ST18: variants seen among roughly 807,000 people sequenced by gnomAD.
The protein encoded by ST18 is suppression of tumorigenicity 18 protein.
A neutral mutation model predicts 110.0 loss-of-function variants in ST18; 50 were observed. That is an observed-to-expected ratio of 0.45 (90% confidence interval 0.36 to 0.58). ST18 has a LOEUF of 0.58. Ranked by LOEUF, ST18 falls within the 20% of genes least tolerant of loss-of-function variation. The pLI, the probability that ST18 is intolerant of heterozygous loss-of-function variation, is 0.00. For missense variants in ST18, 1,306 were observed against 1,280.1 expected (o/e 1.02, Z -0.31); for synonymous variants, 461 against 452.4 (o/e 1.02, Z -0.24).
At chr8:52,307,745 T>C (rs949429527) in intron 2 of ST18, among the ~76,000 whole-genome samples, 1 of 152,242 alleles carries the variant, frequency 6.6e-6, no homozygotes, top group Non-Finnish European at 1.5e-5. Flanking sequence ...TGTGTACATG[T>C]GTCTGTATTT....
chr8:52,164,852 A>G (rs902596610), intron 12 of ST18, among the ~76,000 whole-genome samples: 1 of 152,226 alleles, frequency 6.6e-6, no homozygotes, highest in Admixed American at 6.5e-5. Context: ...AGCACATTCT[A>G]TTTGTATGAT....
At position 52,132,022 on chromosome 8, in the gene ST18, G is replaced by A; in HGVS notation, c.2602C>T (p.His868Tyr). Residue 868 changes from histidine (H) to tyrosine (Y), a missense_variant, in exon 22 of 26, where the codon CAT becomes TAT. Physicochemically the swap from His to Tyr is moderately conservative, Grantham distance 83. Transcript: ENST00000689386. ...SWKLNKQELP[H>Y]CPLPGCNGLG... ...CCATTGCAGCCTGGCAAGGGACAAT[G>A]TGGTAGCTCTTGTTTGTTCAGTTTC... The A allele has an allele frequency of 6.2e-7, 1 of 1,614,232 alleles. No homozygotes were observed. Among genetic ancestry groups the A allele is most frequent in the Non-Finnish European group, 8.5e-7 (1 of 1,180,042 alleles).
At chr8:52,400,339 T>A (rs1842485573) in intron 2 of ST18, among the ~76,000 whole-genome samples, 1 of 152,138 alleles carries the variant, frequency 6.6e-6, no homozygotes, top group Non-Finnish European at 1.5e-5. Context: ...TAAAGTTGGA[T>A]GTTGGGTTTT....
chr8:52,218,404 T>A lies in ST18; in HGVS notation c.-156-503A>T, dbSNP rs559510737. On this transcript the variant is annotated intron_variant, in intron 5 of 25. Coordinates refer to ENST00000689386, the MANE Select transcript of ST18 (RefSeq NM_001352837.2). ...TTTTTTTTTCTTTTTTTTTTTGAGA[T>A]GAGGTTTTGCTCTTGTTGCCCAGGC... Among the ~76,000 whole-genome samples the A allele has an allele frequency of 8.0e-5, 12 of 150,914 alleles. No homozygotes were observed. In the South Asian group the frequency reaches 2.5e-3, roughly 32 times the overall value.
At chr8:52,357,365 C>T (rs1823224765) in intron 2 of ST18, among the ~76,000 whole-genome samples, 1 of 151,652 alleles carries the variant, frequency 6.6e-6, no homozygotes. Context: ...TCAAACTATC[C>T]AATTAAAATG....
At chr8:52,145,790 A>G (rs2057043118) in intron 16 of ST18, among the ~76,000 whole-genome samples, 1 of 152,220 alleles carries the variant, frequency 6.6e-6, no homozygotes, top group African/African-American at 2.4e-5. Context: ...AACATGAATA[A>G]CAGATAATAG....
At chr8:52,285,638 A>C (rs980877292) in intron 2 of ST18, among the ~76,000 whole-genome samples, 1 of 152,230 alleles carries the variant, frequency 6.6e-6, no homozygotes, top group Non-Finnish European at 1.5e-5. Context: ...CAAGGCTAGA[A>C]TTTGAAACCA....
intron 8 of ST18, among the ~76,000 whole-genome samples, chr8:52,211,475 C>T (rs2082154856): frequency 1.3e-5 from 2 of 151,186 alleles, no homozygotes; most frequent in Non-Finnish European, 2.9e-5. Flanking sequence ...TGTGTGATCT[C>T]AGCTCACTGC....
intron 2 of ST18, among the ~76,000 whole-genome samples, chr8:52,288,865 G>A (rs1050653853): frequency 1.3e-5 from 2 of 152,096 alleles, no homozygotes; most frequent in Admixed American, 6.6e-5. Flanking sequence ...TGATAACAGC[G>A]TCAAGGAGAA....
chr8:52,249,153 T>C (rs563008883), intron 2 of ST18, among the ~76,000 whole-genome samples: 100 of 152,284 alleles, frequency 6.6e-4, no homozygotes, highest in Non-Finnish European at 2.6e-4. Flanking sequence ...ACTCACTTTT[T>C]AAATTTACAA....
intron 2 of ST18, among the ~76,000 whole-genome samples, chr8:52,363,858 T>C (rs1234539689): frequency 6.6e-6 from 1 of 152,172 alleles, no homozygotes; most frequent in East Asian, 1.9e-4. Flanking sequence ...TCCAGTTTTA[T>C]AAAAGTAAGT....
chr8:52,350,964 C>T (rs1373620539), intron 2 of ST18, among the ~76,000 whole-genome samples: 1 of 152,024 alleles, frequency 6.6e-6, no homozygotes, highest in African/African-American at 2.4e-5. Flanking sequence ...TCATCATCTG[C>T]CTGCCTCGGC....
In ST18 at chr8:52,311,516, C is replaced by T. The variant is rs566331829; in HGVS notation, c.-464-81439G>A. The stretch of plus-strand genomic sequence containing the variant: ...CTTCATTGAAGGCATTGTATTAGTC[C>T]GTTTTCATACTGCTATAACGATACT... On this transcript the variant is annotated intron_variant, in intron 2 of 25. Coordinates refer to ENST00000689386, the MANE Select transcript of ST18 (RefSeq NM_001352837.2). 4.6e-5 allele frequency among the ~76,000 whole-genome samples: 7 copies of T among 152,138 alleles called. No homozygotes were observed. The East Asian group carries it at 5.8e-4, about 13-fold the overall frequency.
chr8:52,257,865 T>C (rs538186902), intron 2 of ST18, among the ~76,000 whole-genome samples: 86 of 152,334 alleles, frequency 5.6e-4, no homozygotes, highest in Non-Finnish European at 9.7e-4. Context: ...AAATTCAATG[T>C]CACAAAGATT....
chr8:52,172,368 C>T lies in ST18; in HGVS notation c.493G>A (p.Asp165Asn). 2 of 1,614,140 alleles carry T rather than the reference C, an allele frequency of 1.2e-6. No individual in the cohort carries two copies. The highest frequency in any genetic ancestry group is 1.7e-6 in the Non-Finnish European group (2 of 1,180,030). ...TCAGAATGAATCAGAAAGCACTCGT[C>T]TGCTTCATCGCTCTCTGCTTTTAAA... ...QSLKAESDEADECFLIHSDDG... is the reference protein window; with the variant it reads ...QSLKAESDEANECFLIHSDDG... The change falls in exon 10 of 26, where the codon GAC (aspartate) becomes AAC (asparagine). Residue 165 changes from aspartate to asparagine, a missense_variant. By Grantham distance (23) the Asp-to-Asn change is conservative (BLOSUM62 1). Transcript: ENST00000689386.
intron 2 of ST18, among the ~76,000 whole-genome samples, chr8:52,369,990 G>T (rs6999956): frequency 0.78 from 118,916 of 152,220 alleles, 49,754 homozygotes; most frequent in Non-Finnish European, 0.92. Flanking sequence ...TAGTCAGACC[G>T]ATGCAGGTTT....
At chr8:52,346,897 G>A (rs765002908) in intron 2 of ST18, among the ~76,000 whole-genome samples, 3 of 152,232 alleles carry the variant, frequency 2.0e-5, no homozygotes, top group East Asian at 1.9e-4. Flanking sequence ...AGGAGGAAAC[G>A]GCTGGAGTAG....
At chr8:52,303,929 T>C (rs1372868276) in intron 2 of ST18, among the ~76,000 whole-genome samples, 1 of 152,196 alleles carries the variant, frequency 6.6e-6, no homozygotes, top group Non-Finnish European at 1.5e-5. Context: ...AGGAGTTAAT[T>C]TCCTGATTTT....
At chr8:52,274,536 G>A (rs935691881) in intron 2 of ST18, among the ~76,000 whole-genome samples, 47 of 140,920 alleles carry the variant, frequency 3.3e-4, no homozygotes, top group African/African-American at 1.3e-3. Flanking sequence ...TCTTTTTTTC[G>A]TTCTGTCAAA....
Sources: gnomAD v4.1 joint callset for allele counts (sites outside exome capture counted in the v4.1 genomes callset) on GRCh38, gnomAD v4.1.1 for gene constraint, MANE v1.5 for transcripts, NCBI Gene and HGNC (gene_info 2026-07-23, HGNC 2026-07-21) for gene names.